PRTFDC1: variants seen among roughly 807,000 people sequenced by gnomAD.
The protein encoded by PRTFDC1 is phosphoribosyltransferase domain-containing protein 1.
PRTFDC1 carries 38 observed loss-of-function variants against 34.6 expected under a neutral mutation model. The observed-to-expected ratio is 1.10, with a 90% CI of 0.85 to 1.44. The LOEUF is 1.44. Ranked by LOEUF, PRTFDC1 falls within the 40% of genes most tolerant of loss-of-function variation. The probability of loss-of-function intolerance (pLI) is 0.00; values close to 1 mark genes in which losing one functional copy is unlikely to be tolerated. For missense variants in PRTFDC1, 270 were observed against 283.0 expected (o/e 0.95, Z 0.33); for synonymous variants, 93 against 98.1 (o/e 0.95, Z 0.31).
chr10:24,917,054 T>A (rs902674462), intron 3 of PRTFDC1, among the ~76,000 whole-genome samples: 2 of 152,208 alleles, frequency 1.3e-5, no homozygotes, highest in Admixed American at 6.5e-5. Flanking sequence ...TCCTCAGTAA[T>A]TAGCTGCATT....
chr10:24,866,627 A>G (rs1847783060), intron 4 of PRTFDC1, among the ~76,000 whole-genome samples: 1 of 152,218 alleles, frequency 6.6e-6, no homozygotes, highest in South Asian at 2.1e-4. Flanking sequence ...TACATTGTGT[A>G]GACAGCTTAA....
intron 3 of PRTFDC1, among the ~76,000 whole-genome samples, chr10:24,914,960 C>A (rs1055272326): frequency 6.6e-6 from 1 of 152,150 alleles, no homozygotes; most frequent in South Asian, 2.1e-4. Flanking sequence ...TCATAGGGGT[C>A]AAGGGTTGAA....
rs79393717 is a variant in PRTFDC1, at chr10:24,896,167, A to T, written c.340-24104T>A. ...CTGTGGTCGTTGGGAACAGGGCCAC[A>T]CAGCAGGAGGTGAGTGGCAGGAGAG... On this transcript the variant is annotated intron_variant, in intron 3 of 8. Transcript: ENST00000320152. Among the ~76,000 whole-genome samples the T allele has an allele frequency of 4.8e-3, 730 of 152,300 alleles. 6 individuals are homozygous for T. The highest frequency in any genetic ancestry group is 0.017 in the African/African-American group (702 of 41,560).
intron 3 of PRTFDC1, among the ~76,000 whole-genome samples, chr10:24,873,464 T>A (rs948083429): frequency 6.6e-6 from 1 of 152,172 alleles, no homozygotes; most frequent in Admixed American, 6.5e-5. Flanking sequence ...AAAAAAACAA[T>A]ATACGCACCA....
At chr10:24,934,326 C>G (rs1445917542) in intron 3 of PRTFDC1, among the ~76,000 whole-genome samples, 1 of 152,062 alleles carries the variant, frequency 6.6e-6, no homozygotes, top group Non-Finnish European at 1.5e-5. Flanking sequence ...AAATAAAATT[C>G]TAAGCCCCCC....
intron 4 of PRTFDC1, among the ~76,000 whole-genome samples, chr10:24,866,688 C>T (rs1478653016): frequency 6.6e-6 from 1 of 151,994 alleles, no homozygotes; most frequent in Non-Finnish European, 1.5e-5. Flanking sequence ...GGCCATTTAA[C>T]TTAATCATTG....
chr10:24,930,459 T>C (rs1848953635), intron 3 of PRTFDC1, among the ~76,000 whole-genome samples: 1 of 152,228 alleles, frequency 6.6e-6, no homozygotes, highest in Non-Finnish European at 1.5e-5. Flanking sequence ...TGTCTATTTA[T>C]GGATATTGTC....
chr10:24,887,179 C>T (rs1270087547), intron 3 of PRTFDC1, among the ~76,000 whole-genome samples: 10 of 151,068 alleles, frequency 6.6e-5, no homozygotes, highest in Non-Finnish European at 2.9e-5. Flanking sequence ...ACCTTGTTAG[C>T]CAGGATGGTC....
At chr10:24,906,679 T>C (rs1369838420) in intron 3 of PRTFDC1, among the ~76,000 whole-genome samples, 1 of 152,226 alleles carries the variant, frequency 6.6e-6, no homozygotes. Flanking sequence ...GGAACGTTTT[T>C]ACTTATCAAG....
intron 3 of PRTFDC1, among the ~76,000 whole-genome samples, chr10:24,881,040 TTTC>T (rs1848072711): frequency 7.0e-6 from 1 of 143,796 alleles, no homozygotes; most frequent in Non-Finnish European, 1.5e-5. Flanking sequence ...TATCTCTTTC[TTTC>T]TTTCTTTCTT....
At chr10:24,894,978 C>A (rs746778277) in intron 3 of PRTFDC1, among the ~76,000 whole-genome samples, 1 of 152,036 alleles carries the variant, frequency 6.6e-6, no homozygotes. Flanking sequence ...ACAGAGAAGC[C>A]GAGTGGTTCA....
At chr10:24,858,545 T>C (rs890157909) in intron 4 of PRTFDC1, 136 bp from the exon 5 acceptor site, 16 of 831,920 alleles carry the variant, frequency 1.9e-5, no homozygotes, top group Non-Finnish European at 2.9e-5. Context: ...TTCAAAGGAC[T>C]AGAGGTGATC....
At chr10:24,908,013 A>G (rs1848563500) in intron 3 of PRTFDC1, among the ~76,000 whole-genome samples, 1 of 152,228 alleles carries the variant, frequency 6.6e-6, no homozygotes, top group South Asian at 2.1e-4. Context: ...GTTTTCTAGC[A>G]ACCAAGTGTT....
Position 24,952,358 on chromosome 10 carries a change from G to T in PRTFDC1, c.48+170C>A, listed in dbSNP as rs1447318216. On this transcript the variant is annotated intron_variant, in intron 1 of 8. Transcript: ENST00000320152. This position sits in a 1 kb window ranked among gnomAD's most constrained non-coding sequence, Gnocchi z 5.1. Reference sequence around the variant, plus strand: ...GGACTCAGAGTTTCGTCAGATTGGGGGCGGGGAGAGGAGGCCCGGGTCCGA... The same window carrying T: ...GGACTCAGAGTTTCGTCAGATTGGGTGCGGGGAGAGGAGGCCCGGGTCCGA... Among the ~76,000 whole-genome samples the T allele has an allele frequency of 1.3e-5, 2 of 152,092 alleles. No homozygotes were observed. Among genetic ancestry groups the T allele is most frequent in the African/African-American group, 4.8e-5 (2 of 41,434 alleles).
At chr10:24,928,402 C>T (rs946047249) in intron 3 of PRTFDC1, among the ~76,000 whole-genome samples, 1 of 152,086 alleles carries the variant, frequency 6.6e-6, no homozygotes, top group East Asian at 1.9e-4. Context: ...TGAGACTCTG[C>T]TAAACACAGA....
At chr10:24,862,727 G>T (rs771811176) in intron 4 of PRTFDC1, among the ~76,000 whole-genome samples, 7 of 151,662 alleles carry the variant, frequency 4.6e-5, no homozygotes, top group African/African-American at 7.3e-5. Context: ...ACCCTGTGTT[G>T]AGCACGTGTA....
intron 6 of PRTFDC1, among the ~76,000 whole-genome samples, chr10:24,855,605 C>T (rs1197010544): frequency 1.3e-5 from 2 of 151,798 alleles, no homozygotes; most frequent in Non-Finnish European, 2.9e-5. Context: ...CCAGTCTGGG[C>T]AACATAGCGA....
intron 4 of PRTFDC1, among the ~76,000 whole-genome samples, chr10:24,866,384 A>G (rs914305331): frequency 1.3e-5 from 2 of 151,762 alleles, no homozygotes; most frequent in African/African-American, 4.8e-5. Context: ...AAAAAAAGAA[A>G]AAAAAACTTA....
At chr10:24,942,215 C>T in intron 2 of PRTFDC1, 115 bp downstream of exon 2, 2 of 783,386 alleles carry the variant, frequency 2.6e-6, no homozygotes, top group Non-Finnish European at 4.3e-6. Context: ...TAAAAGTTCT[C>T]TCTACCACTA....
Sources: allele counts gnomAD v4.1 joint callset (sites outside exome capture counted in the v4.1 genomes callset), GRCh38; gene constraint gnomAD v4.1.1; non-coding constraint Gnocchi (gnomAD v3.1); transcripts MANE v1.5; gene names NCBI Gene and HGNC (gene_info 2026-07-23, HGNC 2026-07-21).